THADA: variants seen among roughly 807,000 people sequenced by gnomAD.
THADA encodes tRNA (32-2'-O)-methyltransferase regulator THADA.
Under a neutral mutation model 219.8 loss-of-function variants are expected in THADA, and 213 were observed. The ratio of observed to expected loss-of-function variants is 0.97; its 90% CI spans 0.87 to 1.09. The LOEUF is 1.09. Among genes scored for constraint, THADA ranks in the 50% least tolerant of loss-of-function variants. THADA has a pLI of 0.00. For missense variants in THADA, 2,956 were observed against 2,311.3 expected (o/e 1.28, Z -5.72); for synonymous variants, 1,018 against 828.9 (o/e 1.23, Z -3.92).
At chr2:43,524,658 T>C (rs992131942) in intron 22 of THADA, among the ~76,000 whole-genome samples, 6 of 152,350 alleles carry the variant, frequency 3.9e-5, no homozygotes, top group Middle Eastern at 3.4e-3. Context: ...ACTGTAAAGA[T>C]GTTCTCTGCA....
chr2:43,401,267 G>A (rs1389653920), intron 28 of THADA, among the ~76,000 whole-genome samples: 1 of 152,114 alleles, frequency 6.6e-6, no homozygotes, highest in East Asian at 1.9e-4. Context: ...AATACTGTGT[G>A]ACATGAGACA....
intron 28 of THADA, among the ~76,000 whole-genome samples, chr2:43,419,416 G>C (rs1055216133): frequency 4.6e-5 from 7 of 152,190 alleles, no homozygotes; most frequent in Admixed American, 2.6e-4. Flanking sequence ...GTTTTTACTA[G>C]AAGATTAGAA....
At chr2:43,448,753 G>A (rs1681916724) in intron 26 of THADA, among the ~76,000 whole-genome samples, 1 of 151,826 alleles carries the variant, frequency 6.6e-6, no homozygotes, top group South Asian at 2.1e-4. Flanking sequence ...TTACACATCA[G>A]GCAGACCCCC....
At chr2:43,382,760 C>T (rs1439880998) in intron 29 of THADA, among the ~76,000 whole-genome samples, 1 of 152,108 alleles carries the variant, frequency 6.6e-6, no homozygotes, top group African/African-American at 2.4e-5. Context: ...CATATAGGAG[C>T]TTTTGACACA....
In THADA at chr2:43,490,805, A is replaced by G. The variant is rs147576413; in HGVS notation, c.3745-5480T>C. Among the ~76,000 whole-genome samples the G allele has an allele frequency of 1.9e-3, 297 of 152,310 alleles. 1 individual carries two copies. Among genetic ancestry groups the G allele is most frequent in the African/African-American group, 6.9e-3 (287 of 41,588 alleles). ...CAGGTATGTATGTATAGGAAAAAACAGAATCCATAGGGTTTAGTACTAACC... is the reference window on the plus strand; with the variant it reads ...CAGGTATGTATGTATAGGAAAAAACGGAATCCATAGGGTTTAGTACTAACC... On this transcript the variant is annotated intron_variant, in intron 25 of 37. Coordinates refer to ENST00000405975, the MANE Select transcript of THADA (RefSeq NM_022065.5).
At chr2:43,322,788 C>A (rs1463383315) in intron 30 of THADA, among the ~76,000 whole-genome samples, 1 of 138,544 alleles carries the variant, frequency 7.2e-6, no homozygotes, top group Admixed American at 7.9e-5. Context: ...CGGGTTCATG[C>A]CATTCTCCTG....
In THADA at chr2:43,551,864, T is replaced by G. The variant is rs748378604; in HGVS notation, c.2872A>C (p.Arg958=). ...ACTGGAGACACCACAGTGGAAAGCC[T>G]GTAGGACATCAAAAGGAGCTTCTCT... ...VVEKLLLMSY[R]LSTVVSPVIQ... is the part of the protein sequence containing the mutation. The change falls in exon 19 of 38, where the codon AGG becomes CGG. Residue 958 remains arginine, a synonymous_variant. Transcript: ENST00000405975. The G allele has an allele frequency of 3.1e-6, 5 of 1,613,912 alleles. No individual in the cohort carries two copies. Among genetic ancestry groups the G allele is most frequent in the Admixed American group, 1.7e-5 (1 of 59,976 alleles).
chr2:43,435,381 T>A (rs1346581605), intron 26 of THADA, among the ~76,000 whole-genome samples: 2 of 150,734 alleles, frequency 1.3e-5, no homozygotes, highest in Non-Finnish European at 3.0e-5. Context: ...ATCACTTGAA[T>A]CTGGGAGGTG....
intron 29 of THADA, among the ~76,000 whole-genome samples, chr2:43,368,785 A>C (rs1442113464): frequency 2.6e-5 from 4 of 151,994 alleles, no homozygotes; most frequent in Non-Finnish European, 1.5e-5. Context: ...TAGACTCACC[A>C]CCTCAACTCA....
chr2:43,473,754 G>A (rs917273983), intron 26 of THADA, among the ~76,000 whole-genome samples: 8 of 151,832 alleles, frequency 5.3e-5, no homozygotes, highest in South Asian at 2.1e-4. Context: ...GATTACAGGC[G>A]CCTGCCACCA....
At chr2:43,373,945 G>C (rs181851302) in intron 29 of THADA, among the ~76,000 whole-genome samples, 1 of 152,162 alleles carries the variant, frequency 6.6e-6, no homozygotes, top group Non-Finnish European at 1.5e-5. Flanking sequence ...TTGCCTGAGA[G>C]TGATTTTACC....
chr2:43,265,267 C>T (rs1368326188), intron 36 of THADA, among the ~76,000 whole-genome samples: 2 of 152,224 alleles, frequency 1.3e-5, no homozygotes, highest in Non-Finnish European at 2.9e-5. Context: ...CCTCCTGGGC[C>T]TCGTGGGTGC....
At chr2:43,570,787 C>T (rs1459884269) in intron 13 of THADA, among the ~76,000 whole-genome samples, 3 of 152,226 alleles carry the variant, frequency 2.0e-5, no homozygotes, top group African/African-American at 4.8e-5. Flanking sequence ...TTTACCAATT[C>T]TTCACCCCAT....
At chr2:43,529,386 G>A (rs772162226) in intron 21 of THADA, among the ~76,000 whole-genome samples, 90 of 152,220 alleles carry the variant, frequency 5.9e-4, no homozygotes, top group Non-Finnish European at 1.1e-3. Flanking sequence ...CTCGGCTTAA[G>A]TACAGTGGCT....
intron 15 of THADA, chr2:43,566,086 T>C: frequency 5.7e-6 from 1 of 176,476 alleles, no homozygotes; most frequent in East Asian, 1.5e-4. Flanking sequence ...AGACTCTGTC[T>C]CAAAATAAAA....
intron 21 of THADA, among the ~76,000 whole-genome samples, chr2:43,540,701 T>C (rs1025734410): frequency 6.6e-6 from 1 of 152,224 alleles, no homozygotes; most frequent in Non-Finnish European, 1.5e-5. Context: ...ACTAACTTTG[T>C]GGTCTTAAAA....
chr2:43,538,059 G>A (rs1211201283), intron 21 of THADA, among the ~76,000 whole-genome samples: 1 of 152,014 alleles, frequency 6.6e-6, no homozygotes, highest in African/African-American at 2.4e-5. Flanking sequence ...AAGCATGAAT[G>A]AAAAATCTAC....
intron 34 of THADA, among the ~76,000 whole-genome samples, chr2:43,290,376 G>C (rs890179385): frequency 6.6e-6 from 1 of 151,452 alleles, no homozygotes; most frequent in African/African-American, 2.4e-5. Context: ...TTAGCTCCTA[G>C]TGACCTCCTA....
chr2:43,582,060 C>A, intron 7 of THADA, 132 bp from the exon 8 acceptor site: 1 of 664,884 alleles, frequency 1.5e-6, no homozygotes, highest in East Asian at 3.0e-5. Flanking sequence ...TTATTCCTCT[C>A]TCTTCCATTC....
Sources: allele counts gnomAD v4.1 joint callset (sites outside exome capture counted in the v4.1 genomes callset), GRCh38; gene constraint gnomAD v4.1.1; transcripts MANE v1.5; gene names NCBI Gene and HGNC (gene_info 2026-07-23, HGNC 2026-07-21).